Variants in GALNT13 observed in about 807,000 individuals in gnomAD.
GALNT13 encodes the protein UDP-GalNAc:polypeptide N-acetylgalactosaminyltransferase 13.
GALNT13 carries 28 observed loss-of-function variants against 64.2 expected under a neutral mutation model. The observed-to-expected ratio is 0.44, with a 90% CI of 0.32 to 0.60. GALNT13 has a LOEUF of 0.60. Ranked by LOEUF, GALNT13 falls within the 20% of genes least tolerant of loss-of-function variation. The probability of loss-of-function intolerance (pLI) is 0.05; values close to 1 mark genes in which losing one functional copy is unlikely to be tolerated. For synonymous variants in GALNT13, 214 were observed against 224.6 expected (o/e 0.95, Z 0.42); for missense variants, 577 against 669.8 (o/e 0.86, Z 1.53).
intron 3 of GALNT13, among the ~76,000 whole-genome samples, chr2:154,116,382 G>A (rs1681565242): frequency 6.6e-6 from 1 of 152,134 alleles, no homozygotes; most frequent in Admixed American, 6.6e-5. Context: ...CATGATAAGA[G>A]CTCGTGTCCT....
intron 10 of GALNT13, among the ~76,000 whole-genome samples, chr2:154,407,339 C>T (rs1699593065): frequency 6.6e-6 from 1 of 152,106 alleles, no homozygotes. Context: ...ATCTTATTTT[C>T]AAGAAATCTT....
intron 9 of GALNT13, among the ~76,000 whole-genome samples, chr2:154,347,167 C>T (rs1051481250): frequency 5.9e-5 from 9 of 152,030 alleles, no homozygotes; most frequent in African/African-American, 2.2e-4. Context: ...TATTTAATTT[C>T]TATGCTTGGA....
chr2:153,659,015 A>G, the GALNT13 span, among the ~76,000 whole-genome samples: 2 of 152,096 alleles, frequency 1.3e-5, no homozygotes, highest in South Asian at 4.1e-4. Flanking sequence ...ATTAACATAC[A>G]CTATTTGTTT....
intron 4 of GALNT13, among the ~76,000 whole-genome samples, chr2:154,231,313 T>C (rs960880999): frequency 2.6e-5 from 4 of 152,102 alleles, no homozygotes; most frequent in African/African-American, 7.2e-5. Flanking sequence ...GTTGCTAAAA[T>C]AATAATGTGT....
chr2:153,093,638 CT>C, the GALNT13 span, among the ~76,000 whole-genome samples: 1 of 152,092 alleles, frequency 6.6e-6, no homozygotes, highest in East Asian at 1.9e-4. Context: ...CAGTAGTTTT[CT>C]TTTTTTGATG....
At chr2:153,179,987 A>G in the GALNT13 span, among the ~76,000 whole-genome samples, 2 of 151,966 alleles carry the variant, frequency 1.3e-5, no homozygotes, top group African/African-American at 4.8e-5. Context: ...CAACAATTTC[A>G]TTTCTTCCTT....
At chr2:154,094,169 A>G (rs945789853) in intron 3 of GALNT13, among the ~76,000 whole-genome samples, 2 of 151,962 alleles carry the variant, frequency 1.3e-5, no homozygotes, top group African/African-American at 2.4e-5. Context: ...GTAGTTGGGC[A>G]GCTCATTAAA....
At chr2:154,406,213 T>G (rs1054259964) in intron 10 of GALNT13, among the ~76,000 whole-genome samples, 3 of 152,176 alleles carry the variant, frequency 2.0e-5, no homozygotes, top group Non-Finnish European at 4.4e-5. Context: ...TTCCAGTGGC[T>G]CTACCTTCAA....
At chr2:153,583,019 T>C in the GALNT13 span, among the ~76,000 whole-genome samples, 1 of 152,202 alleles carries the variant, frequency 6.6e-6, no homozygotes, top group African/African-American at 2.4e-5. Flanking sequence ...GTTTCTATTC[T>C]TGTGTTGCTT....
In GALNT13 at chr2:154,331,896, C is replaced by A. The variant is rs570344619; in HGVS notation, c.1156+30307C>A. 3.9e-5 allele frequency among the ~76,000 whole-genome samples: 6 copies of A among 152,078 alleles called. No individual in the cohort carries two copies. In the South Asian group the frequency reaches 6.2e-4, roughly 16 times the overall value. On this transcript the variant is annotated intron_variant, in intron 9 of 12. Transcript: ENST00000392825. ...GTAAATGTGTTATTTGTGAAAGACA[C>A]AAGAGCTCTGGAAGCAAATGCCCAA...
the GALNT13 span, among the ~76,000 whole-genome samples, chr2:153,659,543 A>AT: frequency 6.6e-6 from 1 of 152,158 alleles, no homozygotes; most frequent in African/African-American, 2.4e-5. Flanking sequence ...ACATAATCAA[A>AT]TAAGTATAGT....
the GALNT13 span, among the ~76,000 whole-genome samples, chr2:153,803,710 A>G: frequency 2.1e-5 from 3 of 140,630 alleles, no homozygotes; most frequent in Non-Finnish European, 4.7e-5. Context: ...AAAAAAAAAG[A>G]AAAAGAAAAA....
intron 3 of GALNT13, among the ~76,000 whole-genome samples, chr2:154,110,310 T>TAGAGAGAGAG (rs1702881189): frequency 1.9e-5 from 1 of 51,460 alleles, no homozygotes; most frequent in Non-Finnish European, 3.5e-5. Flanking sequence ...TATATATATA[T>TAGAGAGAGAG]ATATATATAT....
the GALNT13 span, among the ~76,000 whole-genome samples, chr2:153,502,456 A>G: frequency 6.6e-6 from 1 of 152,330 alleles, no homozygotes; most frequent in South Asian, 2.1e-4. Context: ...ATTCCATGAT[A>G]TATATACCAC....
At chr2:153,381,593 T>C in the GALNT13 span, among the ~76,000 whole-genome samples, 1 of 151,942 alleles carries the variant, frequency 6.6e-6, no homozygotes, top group Non-Finnish European at 1.5e-5. Flanking sequence ...GTAAGGCTGA[T>C]ACTCATCTAT....
the GALNT13 span, among the ~76,000 whole-genome samples, chr2:153,696,265 C>T: frequency 6.6e-6 from 1 of 152,120 alleles, no homozygotes; most frequent in Non-Finnish European, 1.5e-5. Context: ...AGGAAGCATC[C>T]AGCATGGGAG....
At chr2:153,278,150 G>C in the GALNT13 span, among the ~76,000 whole-genome samples, 2 of 151,724 alleles carry the variant, frequency 1.3e-5, no homozygotes, top group Non-Finnish European at 2.9e-5. Flanking sequence ...AGCCAGGATG[G>C]TCTCAATCTC....
chr2:154,068,096 C>A (rs1026289307), intron 3 of GALNT13, among the ~76,000 whole-genome samples: 7 of 151,922 alleles, frequency 4.6e-5, no homozygotes, highest in African/African-American at 1.7e-4. Context: ...AAATGGCAAA[C>A]AAGTACATGA....
At chr2:153,934,177 A>C (rs907547960) in intron 2 of GALNT13, among the ~76,000 whole-genome samples, 12 of 152,194 alleles carry the variant, frequency 7.9e-5, no homozygotes, top group African/African-American at 2.9e-4. Flanking sequence ...TATCTGTTGG[A>C]TAAATGAAAG....
Sources: gnomAD v4.1 joint callset for allele counts (sites outside exome capture counted in the v4.1 genomes callset) on GRCh38, gnomAD v4.1.1 for gene constraint, MANE v1.5 for transcripts, NCBI Gene and HGNC (gene_info 2026-07-23, HGNC 2026-07-21) for gene names.